LARP4: variants seen among roughly 807,000 people sequenced by gnomAD.
The protein encoded by LARP4 is la-related protein 4.
In LARP4, 29 loss-of-function variants were observed where a neutral mutation model predicts 92.9. That is an observed-to-expected ratio of 0.31 (90% CI 0.23 to 0.43). LARP4 has a LOEUF of 0.43. Ranked by LOEUF, LARP4 falls within the 20% of genes least tolerant of loss-of-function variation. The pLI, the probability that LARP4 is intolerant of heterozygous loss-of-function variation, is 1.00. For synonymous variants in LARP4, 279 were observed against 284.1 expected (o/e 0.98, Z 0.18); for missense variants, 732 against 860.0 (o/e 0.85, Z 1.86).
intron 1 of LARP4, chr12:50,401,295 G>A: frequency 1.9e-6 from 1 of 518,730 alleles, no homozygotes; most frequent in Non-Finnish European, 3.5e-6. Context: ...AGGTTCAGAG[G>A]AAGGGGAAAG....
intron 4 of LARP4, among the ~76,000 whole-genome samples, chr12:50,434,653 C>T (rs1435849499): frequency 1.3e-5 from 2 of 151,642 alleles, no homozygotes; most frequent in Non-Finnish European, 2.9e-5. Context: ...ATGATCCACC[C>T]GCCTCGGCGT....
rs114260684 is a variant in LARP4, at chr12:50,466,914, G to T, written c.1384-45G>T. ...TCAGCTTCTGTGACACAGGATTAGGGAATGAGATAGCCATGTGACCTGTTT... is the reference window on the plus strand; with the variant it reads ...TCAGCTTCTGTGACACAGGATTAGGTAATGAGATAGCCATGTGACCTGTTT... On this transcript the variant is annotated intron_variant, in intron 12 of 15. Transcript: ENST00000398473. 2,408 of 1,563,324 alleles carry T rather than the reference G, an allele frequency of 1.5e-3. 22 individuals carry two copies. In the African/African-American group the frequency reaches 0.029, roughly 19 times the overall value.
intron 10 of LARP4, among the ~76,000 whole-genome samples, chr12:50,460,462 G>C (rs1013162077): frequency 2.0e-5 from 3 of 152,058 alleles, no homozygotes; most frequent in African/African-American, 7.2e-5. Context: ...AAGTAGCTGG[G>C]CATATTATAG....
intron 1 of LARP4, among the ~76,000 whole-genome samples, chr12:50,408,808 A>C (rs1446829610): frequency 6.6e-6 from 1 of 152,142 alleles, no homozygotes; most frequent in African/African-American, 2.4e-5. Flanking sequence ...CTAACAAAGT[A>C]ACATAATGCA....
At chr12:50,436,278 A>C (rs1341675196) in intron 5 of LARP4, among the ~76,000 whole-genome samples, 3 of 151,540 alleles carry the variant, frequency 2.0e-5, no homozygotes, top group Non-Finnish European at 4.4e-5. Flanking sequence ...CAGCCTCCCA[A>C]AATGTTGGAA....
intron 1 of LARP4, among the ~76,000 whole-genome samples, chr12:50,413,818 T>A (rs1946322171): frequency 6.6e-6 from 1 of 152,344 alleles, no homozygotes; most frequent in South Asian, 2.1e-4. Context: ...GAGCAGCAAA[T>A]TAACATTGAT....
chr12:50,473,814 T>C (rs1286541298), intron 14 of LARP4, among the ~76,000 whole-genome samples, 185 bp from the exon 15 acceptor site: 1 of 8,706 alleles, frequency 1.1e-4, no homozygotes, highest in Non-Finnish European at 3.1e-4. Context: ...GGTGGGGGGG[T>C]GGGGGGGGTG....
chr12:50,461,157 T>G lies in LARP4; in HGVS notation c.1144T>G (p.Ser382Ala), dbSNP rs768697912. 5 of 1,614,034 alleles carry G rather than the reference T, an allele frequency of 3.1e-6. No homozygotes were observed. In the South Asian group the frequency reaches 5.5e-5, roughly 18 times the overall value. ...KNRVKPQFRS[S>A]GGSEHSTEGS... ...TAGTGTGAAGCCTCAGTTTAGGTCA[T>G]CTGGTGGTTCAGAACACTCAACAGA... The change falls in exon 11 of 16, where the codon TCT (serine) becomes GCT (alanine). Residue 382 changes from serine to alanine, a missense_variant. Ser to Ala is a moderately conservative substitution (Grantham distance 99, BLOSUM62 1). This residue lies in a region of LARP4 where 264 missense variants were observed against 269.5 expected (regional missense o/e 0.98). Coordinates refer to ENST00000398473, the MANE Select transcript of LARP4 (RefSeq NM_052879.5).
chr12:50,415,449 C>A (rs931689618), intron 1 of LARP4, among the ~76,000 whole-genome samples: 1 of 151,978 alleles, frequency 6.6e-6, no homozygotes, highest in Admixed American at 6.6e-5. Flanking sequence ...AGTGAAATAG[C>A]GTACCCCATC....
At chr12:50,424,360 CTTT>C (rs1022740121) in intron 1 of LARP4, among the ~76,000 whole-genome samples, 1 of 141,460 alleles carries the variant, frequency 7.1e-6, no homozygotes. Context: ...ACTGGCTGTC[CTTT>C]TTTTTTTTTT....
intron 1 of LARP4, among the ~76,000 whole-genome samples, chr12:50,409,811 T>TTA: frequency 2.0e-5 from 3 of 151,144 alleles, no homozygotes; most frequent in African/African-American, 7.3e-5. Flanking sequence ...TATTATTATT[T>TTA]TTTTAAGATG....
intron 1 of LARP4, among the ~76,000 whole-genome samples, chr12:50,420,377 A>G (rs751865770): frequency 6.6e-6 from 1 of 152,210 alleles, no homozygotes; most frequent in South Asian, 2.1e-4. Context: ...AAGGTAGCAT[A>G]TATTTTATTG....
rs778965688 is a variant in LARP4, at chr12:50,440,409, A to T, written c.640-30A>T. 4.1e-6 allele frequency: 6 copies of T among 1,480,452 alleles called. No homozygotes were observed. In the African/African-American group the frequency reaches 5.6e-5, roughly 14 times the overall value. 91.7% of individuals were successfully genotyped at this position (1,480,452 alleles called of 1,614,324 possible). A position where few individuals can be genotyped will look rare whatever the true frequency, so the allele number is the denominator to read the frequency against. ...AATGCCAATTATTGATGTATTTTTT[A>T]GAGTTAACTAATTTTCTTTTTCTTT... On this transcript the variant is annotated intron_variant, in intron 6 of 15. Coordinates refer to ENST00000398473, the MANE Select transcript of LARP4 (RefSeq NM_052879.5).
intron 12 of LARP4, among the ~76,000 whole-genome samples, chr12:50,464,837 C>T (rs2138825036): frequency 1.3e-5 from 2 of 150,360 alleles, no homozygotes; most frequent in African/African-American, 4.9e-5. Context: ...ATTACAGGCG[C>T]TCGCCACCGT....
At chr12:50,418,295 C>CCTGG (rs1255357644) in intron 1 of LARP4, among the ~76,000 whole-genome samples, 9 of 152,162 alleles carry the variant, frequency 5.9e-5, no homozygotes, top group African/African-American at 2.2e-4. Context: ...AGCCACTGTG[C>CCTGG]CTGGCCTAGG....
Position 50,428,955 on chromosome 12 carries a change from G to C in LARP4, c.187G>C (p.Asp63His), listed in dbSNP as rs1441141360. ...TACAGGTAATGCAGAGCTCTCAGAA[G>C]ATATATGTAAAGAATATGAAGTAAT... ...HPEGNAELSE[D>H]ICKEYEVMYS... is the part of the protein sequence containing the mutation. The change falls in exon 3 of 16, where the codon GAT becomes CAT. Residue 63 changes from aspartate to histidine, a missense_variant. Coordinates refer to ENST00000398473, the MANE Select transcript of LARP4 (RefSeq NM_052879.5). 2.5e-6 allele frequency: 4 copies of C among 1,597,996 alleles called. No individual in the cohort carries two copies. In the Admixed American group the frequency reaches 6.9e-5, roughly 27 times the overall value.
intron 13 of LARP4, 21 bp from the exon 14 acceptor site, chr12:50,473,394 G>A: frequency 6.2e-7 from 1 of 1,602,928 alleles, no homozygotes; most frequent in Non-Finnish European, 8.5e-7. Flanking sequence ...GTGTAATTTT[G>A]AAAAATCTTT....
intron 13 of LARP4, among the ~76,000 whole-genome samples, chr12:50,469,700 G>C (rs1417788775): frequency 1.3e-5 from 2 of 151,404 alleles, no homozygotes; most frequent in East Asian, 3.9e-4. Flanking sequence ...CATGAGGTCA[G>C]GAGTTTGAAA....
intron 12 of LARP4, among the ~76,000 whole-genome samples, 183 bp from the exon 13 acceptor site, chr12:50,466,776 T>C (rs1386557869): frequency 6.6e-6 from 1 of 152,170 alleles, no homozygotes; most frequent in Non-Finnish European, 1.5e-5. Flanking sequence ...AAAAGTAGAA[T>C]TGATAAAGAC....
Sources: gnomAD v4.1 joint callset for allele counts (sites outside exome capture counted in the v4.1 genomes callset) on GRCh38, gnomAD v4.1.1 for gene constraint, gnomAD v4.1.1 regional missense constraint, MANE v1.5 for transcripts, NCBI Gene and HGNC (gene_info 2026-07-23, HGNC 2026-07-21) for gene names.